Variants in PRMT3 observed in about 807,000 individuals in gnomAD.
PRMT3 encodes the protein protein arginine N-methyltransferase 3.
In PRMT3, 62 loss-of-function variants were observed where a neutral mutation model predicts 71.9. The observed-to-expected ratio is 0.86, with a 90% confidence interval of 0.70 to 1.07. PRMT3 has a LOEUF of 1.07. Ranked by LOEUF, PRMT3 falls within the 50% of genes least tolerant of loss-of-function variation. The probability of loss-of-function intolerance (pLI) is 0.00; values close to 1 mark genes in which losing one functional copy is unlikely to be tolerated. For missense variants in PRMT3, 663 were observed against 643.0 expected (o/e 1.03, Z -0.34); for synonymous variants, 213 against 220.4 (o/e 0.97, Z 0.30).
chr11:20,460,494 C>G (rs1850358960), intron 11 of PRMT3, among the ~76,000 whole-genome samples: 1 of 152,046 alleles, frequency 6.6e-6, no homozygotes, highest in Non-Finnish European at 1.5e-5. Context: ...TTTTGTGGCT[C>G]CAGCTTCTCG....
intron 13 of PRMT3, among the ~76,000 whole-genome samples, chr11:20,485,469 A>T (rs2133441468): frequency 6.6e-6 from 1 of 152,322 alleles, no homozygotes; most frequent in East Asian, 1.9e-4. Context: ...CAAAGAGAAA[A>T]AATACTGCAA....
At chr11:20,502,117 T>A (rs1590115852) in intron 15 of PRMT3, among the ~76,000 whole-genome samples, 1 of 152,216 alleles carries the variant, frequency 6.6e-6, no homozygotes, top group Admixed American at 6.5e-5. Context: ...TGTGATATAC[T>A]AACAGCCGTC....
chr11:20,448,325 C>T (rs1457867837), intron 10 of PRMT3, among the ~76,000 whole-genome samples: 1 of 152,032 alleles, frequency 6.6e-6, no homozygotes, highest in African/African-American at 2.4e-5. Context: ...CAACTGACTG[C>T]CAGCTCCAAT....
At chr11:20,505,317 T>C (rs1369827835) in intron 15 of PRMT3, among the ~76,000 whole-genome samples, 1 of 152,214 alleles carries the variant, frequency 6.6e-6, no homozygotes, top group Non-Finnish European at 1.5e-5. Flanking sequence ...TACTTTATGT[T>C]GGGTCTCTGG....
chr11:20,464,057 A>T (rs1480474927), intron 12 of PRMT3, among the ~76,000 whole-genome samples: 1 of 152,160 alleles, frequency 6.6e-6, no homozygotes, highest in East Asian at 1.9e-4. Flanking sequence ...GACTGTTATC[A>T]CACATATTTT....
intron 10 of PRMT3, among the ~76,000 whole-genome samples, chr11:20,435,903 T>C (rs1272489931): frequency 6.6e-6 from 1 of 152,228 alleles, no homozygotes; most frequent in Admixed American, 6.5e-5. Flanking sequence ...TGTAAATCAC[T>C]TTGGCCAGTA....
At chr11:20,453,406 G>A (rs1264072551) in intron 11 of PRMT3, among the ~76,000 whole-genome samples, 1 of 151,354 alleles carries the variant, frequency 6.6e-6, no homozygotes, top group Non-Finnish European at 1.5e-5. Flanking sequence ...CTTGAACCCG[G>A]GAGGCAGAGG....
intron 13 of PRMT3, among the ~76,000 whole-genome samples, chr11:20,493,315 C>G (rs1851254489): frequency 6.6e-6 from 1 of 151,924 alleles, no homozygotes; most frequent in Admixed American, 6.6e-5. Flanking sequence ...TACTTAAAAA[C>G]AGATATACTG....
At chr11:20,409,305 ACATC>A (rs1225136786) in intron 9 of PRMT3, among the ~76,000 whole-genome samples, 3 of 152,190 alleles carry the variant, frequency 2.0e-5, no homozygotes, top group African/African-American at 7.2e-5. Context: ...CGGTTAAAGT[ACATC>A]TAACGTGTTA....
intron 13 of PRMT3, among the ~76,000 whole-genome samples, chr11:20,466,113 T>A (rs537539467): frequency 1.3e-5 from 2 of 152,368 alleles, no homozygotes; most frequent in South Asian, 4.1e-4. Flanking sequence ...AAAAGTTTAT[T>A]GACTTTCATT....
intron 13 of PRMT3, among the ~76,000 whole-genome samples, chr11:20,483,723 T>C (rs1442335371): frequency 6.6e-6 from 1 of 152,140 alleles, no homozygotes; most frequent in Admixed American, 6.6e-5. Flanking sequence ...AAATGGAGAA[T>C]TGTAATGTAG....
At chr11:20,426,006 G>A (rs1849537403) in intron 9 of PRMT3, among the ~76,000 whole-genome samples, 1 of 152,216 alleles carries the variant, frequency 6.6e-6, no homozygotes, top group East Asian at 1.9e-4. Flanking sequence ...AACTTAACCA[G>A]CAGCTTACAT....
intron 5 of PRMT3, among the ~76,000 whole-genome samples, chr11:20,395,097 G>A (rs909286354): frequency 6.6e-5 from 10 of 152,054 alleles, no homozygotes; most frequent in African/African-American, 1.9e-4. Context: ...CTAAAATAGG[G>A]ATAAATACAT....
intron 10 of PRMT3, among the ~76,000 whole-genome samples, chr11:20,434,260 A>C (rs1182239926): frequency 1.3e-5 from 2 of 152,186 alleles, no homozygotes; most frequent in Non-Finnish European, 2.9e-5. Flanking sequence ...AATTCCTTAT[A>C]GATGCTGGTT....
At chr11:20,489,598 C>T (rs767166008) in intron 13 of PRMT3, among the ~76,000 whole-genome samples, 1 of 152,048 alleles carries the variant, frequency 6.6e-6, no homozygotes, top group Non-Finnish European at 1.5e-5. Flanking sequence ...GGTGGCCAAA[C>T]TGTAATTGAA....
chr11:20,499,457 A>G (rs1851406980), intron 15 of PRMT3, among the ~76,000 whole-genome samples: 1 of 152,070 alleles, frequency 6.6e-6, no homozygotes, highest in African/African-American at 2.4e-5. Context: ...CCTGTCTCTA[A>G]AGAAAAAAAA....
chr11:20,491,714 A>G (rs11025583), intron 13 of PRMT3, among the ~76,000 whole-genome samples: 42,239 of 152,020 alleles, frequency 0.28, 6,087 homozygotes, highest in South Asian at 0.38. Context: ...CCAGAGGTTA[A>G]TCCTGAGACT....
intron 12 of PRMT3, among the ~76,000 whole-genome samples, chr11:20,463,021 ATGCC>A (rs2133403289): frequency 6.6e-6 from 1 of 152,212 alleles, no homozygotes; most frequent in East Asian, 1.9e-4. Context: ...ATGCACCACC[ATGCC>A]TGGCTAAATT....
At position 20,402,952 on chromosome 11, in the gene PRMT3, A is replaced by T. The variant is rs769800889; in HGVS notation, c.739A>T (p.Ile247Leu). Residue 247 changes from isoleucine to leucine, a missense_variant, in exon 8 of 16, where the codon ATA becomes TTA. Transcript: ENST00000331079. ...KIRTESYRDF[I>L]YQNPHIFKDK... ...ACGAACAGAAAGCTACCGAGATTTCATATACCAAAATCCACATATCTTCAA... is the reference window on the plus strand; with the variant it reads ...ACGAACAGAAAGCTACCGAGATTTCTTATACCAAAATCCACATATCTTCAA... 2 of 1,608,046 alleles carry T rather than the reference A, an allele frequency of 1.2e-6. No individual in the cohort carries two copies. Among genetic ancestry groups the T allele is most frequent in the Admixed American group, 3.3e-5 (2 of 60,018 alleles).
Sources: allele counts gnomAD v4.1 joint callset (sites outside exome capture counted in the v4.1 genomes callset), GRCh38; gene constraint gnomAD v4.1.1; transcripts MANE v1.5; gene names NCBI Gene and HGNC (gene_info 2026-07-23, HGNC 2026-07-21).